The following RANBP3L variants were observed in gnomAD, a reference collection of about 807,000 sequenced individuals.
RANBP3L encodes ran-binding protein 3-like.
Under a neutral mutation model 67.2 loss-of-function variants are expected in RANBP3L, and 56 were observed. The observed-to-expected ratio is 0.83, with a 90% CI of 0.67 to 1.04. The LOEUF (loss-of-function observed/expected upper bound fraction) is 1.04, where lower values mean the gene tolerates loss of function less well. Ranked by LOEUF, RANBP3L falls within the 50% of genes least tolerant of loss-of-function variation. The pLI is 0.00. For missense variants in RANBP3L, 496 were observed against 535.5 expected (o/e 0.93, Z 0.73); for synonymous variants, 164 against 181.4 (o/e 0.90, Z 0.77).
At chr5:36,297,678 A>G (rs1319438185) in intron 1 of RANBP3L, among the ~76,000 whole-genome samples, 4 of 152,220 alleles carry the variant, frequency 2.6e-5, no homozygotes, top group South Asian at 2.1e-4. Context: ...TAGAATCAAT[A>G]TTAGAGATAA....
intron 6 of RANBP3L, among the ~76,000 whole-genome samples, chr5:36,264,609 T>C (rs1276164723): frequency 6.6e-6 from 1 of 152,202 alleles, no homozygotes; most frequent in Non-Finnish European, 1.5e-5. Context: ...GTTGACCAGT[T>C]GGCGATGTAG....
intron 6 of RANBP3L, among the ~76,000 whole-genome samples, chr5:36,263,446 C>T (rs7725596): frequency 0.079 from 12,011 of 152,088 alleles, 1,630 homozygotes; most frequent in African/African-American, 0.28. Context: ...TAAAATCTTG[C>T]TCTATATTTA....
intron 1 of RANBP3L, among the ~76,000 whole-genome samples, chr5:36,294,057 T>C (rs1441244902): frequency 2.6e-5 from 4 of 152,216 alleles, no homozygotes; most frequent in African/African-American, 9.6e-5. Flanking sequence ...GGTAAGCTAT[T>C]GATTATTGCC....
intron 6 of RANBP3L, among the ~76,000 whole-genome samples, chr5:36,263,215 C>A (rs975074839): frequency 6.6e-6 from 1 of 151,932 alleles, no homozygotes; most frequent in African/African-American, 2.4e-5. Flanking sequence ...TACAGTAGGG[C>A]TTTTCAATAA....
chr5:36,270,037 T>A, intron 2 of RANBP3L, 47 bp from the exon 3 acceptor site: 1 of 1,557,070 alleles, frequency 6.4e-7, no homozygotes. Flanking sequence ...TTTGCCTTTG[T>A]ATTATGTTGG....
At chr5:36,274,514 G>A (rs1003552295) in intron 1 of RANBP3L, among the ~76,000 whole-genome samples, 7 of 152,058 alleles carry the variant, frequency 4.6e-5, no homozygotes, top group African/African-American at 1.7e-4. Flanking sequence ...CTCTGAGGAA[G>A]GCTGGAGCTT....
chr5:36,291,250 T>A (rs1246039585), intron 1 of RANBP3L, among the ~76,000 whole-genome samples: 2 of 152,114 alleles, frequency 1.3e-5, no homozygotes, highest in African/African-American at 4.8e-5. Context: ...AGCGCCATTC[T>A]ACTTTCTGTC....
At chr5:36,256,236 C>G (rs754479624) in intron 10 of RANBP3L, among the ~76,000 whole-genome samples, 35 of 151,978 alleles carry the variant, frequency 2.3e-4, no homozygotes, top group Non-Finnish European at 4.3e-4. Context: ...ACAATTACTT[C>G]AATAAGACTG....
At chr5:36,287,271 A>G (rs1266355689) in intron 1 of RANBP3L, among the ~76,000 whole-genome samples, 1 of 152,152 alleles carries the variant, frequency 6.6e-6, no homozygotes, top group Non-Finnish European at 1.5e-5. Context: ...CCAGTTCCTA[A>G]CAGGCCATGG....
chr5:36,254,324 A>C (rs552515170), intron 11 of RANBP3L, among the ~76,000 whole-genome samples: 152 of 152,108 alleles, frequency 1.0e-3, no homozygotes, highest in Non-Finnish European at 1.6e-3. Flanking sequence ...TACAGAAAAC[A>C]AAGGCCAGAA....
At chr5:36,272,464 A>G (rs182785995) in intron 1 of RANBP3L, among the ~76,000 whole-genome samples, 8 of 152,226 alleles carry the variant, frequency 5.3e-5, no homozygotes, top group Non-Finnish European at 1.0e-4. Context: ...TACCAGACAT[A>G]TACAACTTTT....
chr5:36,273,053 T>C (rs1171922038), intron 1 of RANBP3L, among the ~76,000 whole-genome samples: 1 of 152,232 alleles, frequency 6.6e-6, no homozygotes, highest in Non-Finnish European at 1.5e-5. Context: ...TATGAAACTA[T>C]AGCTCAATTC....
intron 1 of RANBP3L, among the ~76,000 whole-genome samples, chr5:36,300,102 T>G (rs1752513221): frequency 6.6e-6 from 1 of 152,200 alleles, no homozygotes; most frequent in African/African-American, 2.4e-5. Context: ...CTTTAACATT[T>G]CATACAAAGT....
chr5:36,293,532 G>C (rs1310712670), intron 1 of RANBP3L, among the ~76,000 whole-genome samples: 4 of 150,414 alleles, frequency 2.7e-5, no homozygotes, highest in African/African-American at 9.8e-5. Flanking sequence ...GATATTGGCT[G>C]TGGGTTTGTC....
chr5:36,274,584 G>A (rs922553852), intron 1 of RANBP3L, among the ~76,000 whole-genome samples: 2 of 152,178 alleles, frequency 1.3e-5, no homozygotes, highest in Non-Finnish European at 2.9e-5. Flanking sequence ...CAGTGGACAA[G>A]GGTTACAAAA....
At chr5:36,290,867 G>A (rs1227777021) in intron 1 of RANBP3L, among the ~76,000 whole-genome samples, 2 of 149,654 alleles carry the variant, frequency 1.3e-5, no homozygotes, top group Non-Finnish European at 3.0e-5. Context: ...GAGTAGCTGG[G>A]ACTACAGGCA....
chr5:36,265,232 A>C lies in RANBP3L; in HGVS notation c.341-134T>G, dbSNP rs568245719. The C allele has an allele frequency of 3.0e-5, 21 of 693,302 alleles. No individual in the cohort carries two copies. The African/African-American group carries it at 3.3e-4, about 11-fold the overall frequency. 42.9% of individuals were successfully genotyped at this position (693,302 alleles called of 1,614,324 possible). On this transcript the variant is annotated intron_variant, in intron 5 of 13. Transcript: ENST00000296604. The stretch of plus-strand genomic sequence containing the variant: ...GACTAGCGTTAATTAATCCAAGTCA[A>C]AATAACCATTGAGTTCCCCAACATT...
At chr5:36,274,626 G>A (rs1189003941) in intron 1 of RANBP3L, among the ~76,000 whole-genome samples, 1 of 152,186 alleles carries the variant, frequency 6.6e-6, no homozygotes, top group African/African-American at 2.4e-5. Context: ...AGCTTTGCAA[G>A]GCCTTGCAGG....
At chr5:36,253,014 G>T (rs1451615869) in intron 12 of RANBP3L, among the ~76,000 whole-genome samples, 1 of 151,938 alleles carries the variant, frequency 6.6e-6, no homozygotes, top group African/African-American at 2.4e-5. Context: ...TTTGAGGGGA[G>T]GTTGTGGTTT....
Sources: gnomAD v4.1 joint callset for allele counts (sites outside exome capture counted in the v4.1 genomes callset) on GRCh38, gnomAD v4.1.1 for gene constraint, MANE v1.5 for transcripts, NCBI Gene and HGNC (gene_info 2026-07-23, HGNC 2026-07-21) for gene names.